Variants in TACC2 observed in about 807,000 individuals in gnomAD.
TACC2 encodes the protein transforming acidic coiled-coil-containing protein 2.
TACC2 carries 137 observed loss-of-function variants against 227.3 expected under a neutral mutation model. That is an observed-to-expected ratio of 0.60 (90% CI 0.52 to 0.69). The LOEUF is 0.69. TACC2 is among the 30% of genes least tolerant of loss of function. TACC2 has a pLI of 0.00. For missense variants in TACC2, 3,470 were observed against 3,694.4 expected, an observed-to-expected ratio of 0.94 and a Z score of 1.57; for synonymous variants, 1,523 against 1,487.5, an observed-to-expected ratio of 1.02 and a Z score of -0.55.
At chr10:122,213,441 C>A (rs1212860299) in intron 9 of TACC2, 1 of 1,562,590 alleles carries the variant, frequency 6.4e-7, no homozygotes, top group Non-Finnish European at 8.8e-7. Flanking sequence ...CCTTTTGTTT[C>A]TGCTTCCAAG....
intron 7 of TACC2, among the ~76,000 whole-genome samples, chr10:122,191,141 G>T (rs1426522906): frequency 6.6e-6 from 1 of 150,950 alleles, no homozygotes; most frequent in African/African-American, 2.4e-5. Context: ...TTTAAGAGTC[G>T]AGGTCTCGCT....
intron 2 of TACC2, chr10:122,033,135 A>C: frequency 7.8e-7 from 1 of 1,289,362 alleles, no homozygotes; most frequent in Non-Finnish European, 1.0e-6. Flanking sequence ...TGTGGCCTCC[A>C]AACCCTGAGC....
intron 5 of TACC2, among the ~76,000 whole-genome samples, chr10:122,123,308 T>C (rs1351342923): frequency 6.6e-6 from 1 of 152,094 alleles, no homozygotes; most frequent in East Asian, 1.9e-4. Context: ...CCTGGCCTGG[T>C]CTTAGAAATC....
intron 1 of TACC2, among the ~76,000 whole-genome samples, chr10:122,001,410 C>T (rs781522086): frequency 3.9e-5 from 6 of 152,078 alleles, no homozygotes; most frequent in South Asian, 2.1e-4. Context: ...GAGACTTATT[C>T]GCTATCACAA....
intron 7 of TACC2, among the ~76,000 whole-genome samples, chr10:122,162,052 T>C (rs888204872): frequency 6.6e-6 from 1 of 152,186 alleles, no homozygotes; most frequent in African/African-American, 2.4e-5. Context: ...AGAGCACACC[T>C]CGTCACACCA....
At chr10:122,066,361 C>T (rs186054986) in intron 3 of TACC2, among the ~76,000 whole-genome samples, 14 of 152,120 alleles carry the variant, frequency 9.2e-5, no homozygotes, top group Admixed American at 2.0e-4. Context: ...CTCCACCTCC[C>T]AGGTGCAAGT....
At chr10:122,201,750 G>A (rs954900262) in intron 8 of TACC2, among the ~76,000 whole-genome samples, 9 of 152,204 alleles carry the variant, frequency 5.9e-5, no homozygotes, top group Non-Finnish European at 1.3e-4. Context: ...GAAGACAGGG[G>A]TATAACCAAG....
intron 8 of TACC2, among the ~76,000 whole-genome samples, chr10:122,206,554 A>T (rs942407204): frequency 2.0e-5 from 3 of 152,320 alleles, no homozygotes; most frequent in Middle Eastern, 3.4e-3. Flanking sequence ...AGACAAACCC[A>T]CTGATGCCTT....
chr10:122,211,709 G>C lies in TACC2; in HGVS notation c.7283+1G>C. Reference sequence around the variant, plus strand: ...AGAAGAAGAAGACGCCCCTAAAGACGTAAGTTCAGGGGTGGAGGTGGTAAG... The same window carrying C: ...AGAAGAAGAAGACGCCCCTAAAGACCTAAGTTCAGGGGTGGAGGTGGTAAG... On this transcript the variant is annotated splice_donor_variant, in intron 9 of 22. Coordinates refer to ENST00000369005, the MANE Select transcript of TACC2 (RefSeq NM_206862.4). LOFTEE classifies it high-confidence loss of function. 6.5e-7 allele frequency: 1 copy of C among 1,543,120 alleles called. No homozygotes were observed. The highest frequency in any genetic ancestry group is 8.7e-7 in the Non-Finnish European group (1 of 1,151,408).
chr10:122,215,239 C>T (rs2095376450), intron 9 of TACC2, 152 bp from the exon 10 acceptor site: 8 of 639,208 alleles, frequency 1.3e-5, no homozygotes, highest in South Asian at 8.0e-5. Context: ...GGGTAGCCGG[C>T]GTGGCCTCTC....
intron 5 of TACC2, among the ~76,000 whole-genome samples, chr10:122,113,622 C>A (rs1333460109): frequency 2.0e-5 from 3 of 152,232 alleles, no homozygotes; most frequent in African/African-American, 7.2e-5. Flanking sequence ...GGGGCCTCCG[C>A]GCCTTCCCAC....
At chr10:122,164,046 C>A in intron 7 of TACC2, 1 of 1,548,442 alleles carries the variant, frequency 6.5e-7, no homozygotes, top group Non-Finnish European at 8.7e-7. Flanking sequence ...GAGAGGATGC[C>A]CGGGCTTTGT....
intron 1 of TACC2, among the ~76,000 whole-genome samples, chr10:122,020,161 A>G (rs952667524): frequency 1.3e-5 from 2 of 152,236 alleles, no homozygotes; most frequent in East Asian, 3.8e-4. Context: ...TCAACCTGGA[A>G]GATACAAGGA....
chr10:122,078,124 G>A (rs2079028217), intron 3 of TACC2, among the ~76,000 whole-genome samples: 1 of 149,992 alleles, frequency 6.7e-6, no homozygotes, highest in Non-Finnish European at 1.5e-5. Flanking sequence ...GAACTCAGGA[G>A]GTGGAGGTTG....
chr10:122,134,628 C>G (rs557849793), intron 6 of TACC2, among the ~76,000 whole-genome samples: 237 of 152,340 alleles, frequency 1.6e-3, no homozygotes, highest in African/African-American at 5.4e-3. Flanking sequence ...ATTCCTCCCC[C>G]TCTTTGTCCC....
chr10:122,046,254 C>A (rs945876874), intron 2 of TACC2, among the ~76,000 whole-genome samples: 5 of 151,940 alleles, frequency 3.3e-5, no homozygotes, highest in Non-Finnish European at 5.9e-5. Context: ...GCGGGTGGAT[C>A]TCGAGGCCAG....
intron 7 of TACC2, among the ~76,000 whole-genome samples, chr10:122,191,722 TA>T (rs1328543213): frequency 6.6e-6 from 1 of 152,224 alleles, no homozygotes; most frequent in Non-Finnish European, 1.5e-5. Context: ...GTCTGATAAA[TA>T]TATTTGCCTA....
In TACC2 at chr10:122,143,695, G is replaced by A; in HGVS notation, c.5823G>A (p.Lys1941=). ...CTCCCTCCTGCCCAGATCCGGCCAA[G>A]GACCTCAGCAGGTATTGCGCAAGTC... is the stretch of plus-strand genomic sequence containing the variant. The part of the protein sequence containing the change: ...ASTPSCPDPA[K]DLSRSSDSEE... The change falls in exon 7 of 23, where the codon AAG becomes AAA. Residue 1941 remains lysine, a synonymous_variant. Transcript: ENST00000369005. The A allele has an allele frequency of 1.2e-6, 2 of 1,614,046 alleles. No homozygotes were observed. The highest frequency in any genetic ancestry group is 2.7e-5 in the African/African-American group (2 of 75,032).
At chr10:122,161,862 C>T (rs75493167) in intron 7 of TACC2, among the ~76,000 whole-genome samples, 2,493 of 152,326 alleles carry the variant, frequency 0.016, 32 homozygotes, top group Non-Finnish European at 0.025. Context: ...TTCAGCTCCA[C>T]GTGGTAAGCT....
Sources: allele counts gnomAD v4.1 joint callset (sites outside exome capture counted in the v4.1 genomes callset), GRCh38; gene constraint gnomAD v4.1.1; transcripts MANE v1.5; gene names NCBI Gene and HGNC (gene_info 2026-07-23, HGNC 2026-07-21).